Variants in SLC5A6 observed in about 807,000 individuals in gnomAD.
SLC5A6 encodes sodium-dependent multivitamin transporter.
Under a neutral mutation model 67.9 loss-of-function variants are expected in SLC5A6, and 31 were observed. The ratio of observed to expected loss-of-function variants is 0.46; its 90% CI spans 0.34 to 0.62. SLC5A6 has a LOEUF of 0.62. Ranked by LOEUF, SLC5A6 falls within the 20% of genes least tolerant of loss-of-function variation. The pLI is 0.01. For synonymous variants in SLC5A6, 343 were observed against 331.0 expected (o/e 1.04, Z -0.39); for missense variants, 673 against 812.8 (o/e 0.83, Z 2.09).
rs1572378559 is a variant in SLC5A6, at chr2:27,200,104, C to G, written c.*332G>C. On this transcript the variant is annotated 3_prime_UTR_variant, in exon 17 of 17. Coordinates refer to ENST00000310574, the MANE Select transcript of SLC5A6 (RefSeq NM_021095.4). ...CCAGAGTGCTGTTTCTAGCCACTTA[C>G]TTCAAAGGACTATGGCTATGTTGAA... 5.0e-6 allele frequency: 1 copy of G among 201,106 alleles called. No individual in the cohort carries two copies. Among genetic ancestry groups the G allele is most frequent in the Non-Finnish European group, 1.0e-5 (1 of 99,448 alleles). The allele number at this position is 201,106 out of a possible 1,614,324, so 12.5% of individuals were successfully genotyped here.
At position 27,207,110 on chromosome 2, in the gene SLC5A6, C is replaced by A; in HGVS notation, c.393+148G>T. 1 of 1,075,056 alleles carries A rather than the reference C, an allele frequency of 9.3e-7. No individual in the cohort carries two copies. The highest frequency in any genetic ancestry group is 1.4e-6 in the Non-Finnish European group (1 of 718,700). 66.6% of individuals were successfully genotyped at this position (1,075,056 alleles called of 1,614,324 possible). Reference sequence around the variant, plus strand: ...AATCCTGCCCCTATACCTAACATCACTGAGAAAGAATTATAAACACACAAT... The same window carrying A: ...AATCCTGCCCCTATACCTAACATCAATGAGAAAGAATTATAAACACACAAT... On this transcript the variant is annotated intron_variant, in intron 3 of 16. Coordinates refer to ENST00000310574, the MANE Select transcript of SLC5A6 (RefSeq NM_021095.4). The surrounding 1 kb of genome is among the most constrained non-coding windows in gnomAD (Gnocchi z 5.5).
intron 7 of SLC5A6, 115 bp from the exon 8 acceptor site, chr2:27,205,046 G>A (rs1194931900): frequency 1.1e-5 from 14 of 1,262,550 alleles, no homozygotes; most frequent in Non-Finnish European, 1.6e-5. Context: ...TAGGGCCAAG[G>A]GGGACACTGA....
At chr2:27,211,943 C>G in intron 1 of SLC5A6, 77 bp downstream of exon 1, 1 of 461,474 alleles carries the variant, frequency 2.2e-6, no homozygotes, top group Non-Finnish European at 3.8e-6. Context: ...CGGCCGAGAG[C>G]CCTGGCCGGG....
chr2:27,207,369 T>C lies in SLC5A6; in HGVS notation c.282A>G (p.Arg94=), dbSNP rs56970590. ...AILGVPSEIY[R]FGTQYWFLGC... ...CCAGGAACCAATATTGGGTCCCAAATCGGTAGATCTCTGACGGCACACCCA... is the reference window on the plus strand; with the variant it reads ...CCAGGAACCAATATTGGGTCCCAAACCGGTAGATCTCTGACGGCACACCCA... The change falls in exon 3 of 17, where the codon CGA becomes CGG. Residue 94 remains arginine (R), a synonymous_variant. Coordinates refer to ENST00000310574, the MANE Select transcript of SLC5A6 (RefSeq NM_021095.4). The surrounding 1 kb of genome is among the most constrained non-coding windows in gnomAD (Gnocchi z 5.5). 77,744 of 1,613,944 alleles carry C rather than the reference T, an allele frequency of 0.048. 2,053 individuals are homozygous for C. Among genetic ancestry groups the C allele is most frequent in the African/African-American group, 0.081 (6,098 of 74,928 alleles).
chr2:27,202,781 T>G (rs778047089), intron 12 of SLC5A6, 32 bp downstream of exon 12: 2 of 1,586,886 alleles, frequency 1.3e-6, no homozygotes, highest in Admixed American at 3.3e-5. Context: ...TTCTCTCCCT[T>G]AAAATTGCTT....
rs769613846 is a variant in SLC5A6 at position 27,212,227 on chromosome 2, C to T, written c.-415G>A. 1.2e-5 allele frequency: 18 copies of T among 1,560,570 alleles called. No individual in the cohort carries two copies. Among genetic ancestry groups the T allele is most frequent in the Admixed American group, 2.0e-5 (1 of 51,238 alleles). On this transcript the variant is annotated 5_prime_UTR_variant, in exon 1 of 17. It adds an upstream start codon to the 5' untranslated region. Coordinates refer to ENST00000310574, the MANE Select transcript of SLC5A6 (RefSeq NM_021095.4). ...GCATGAAGACCAGCGCAGAGCTCCACGAGCAGGAAAAGCCCCCAAGCAGCC... is the reference window on the plus strand; with the variant it reads ...GCATGAAGACCAGCGCAGAGCTCCATGAGCAGGAAAAGCCCCCAAGCAGCC...
intron 9 of SLC5A6, 73 bp downstream of exon 9, chr2:27,204,388 G>C (rs1478049632): frequency 1.3e-6 from 2 of 1,508,416 alleles, no homozygotes; most frequent in Non-Finnish European, 1.8e-6. Flanking sequence ...TCTGCAGTCA[G>C]TCCTTTCCTA....
At chr2:27,205,746 C>T (rs958912777) in intron 6 of SLC5A6, among the ~76,000 whole-genome samples, 7 of 152,162 alleles carry the variant, frequency 4.6e-5, no homozygotes, top group Non-Finnish European at 8.8e-5. Context: ...CTCCCTTGGA[C>T]ACTCCTGAAA....
At position 27,210,135 on chromosome 2, in the gene SLC5A6, C is replaced by T. The variant is rs147424847; in HGVS notation, c.-141+1332G>A. Among the ~76,000 whole-genome samples, 5 of 152,144 alleles carry T rather than the reference C, an allele frequency of 3.3e-5. No homozygotes were observed. In the South Asian group the frequency reaches 6.2e-4, roughly 19 times the overall value. ...GGAAGGAAAGTCCCAGTATGGGACACGGAGGTACAGAAATAAAGACACTCT... is the reference window on the plus strand; with the variant it reads ...GGAAGGAAAGTCCCAGTATGGGACATGGAGGTACAGAAATAAAGACACTCT... On this transcript the variant is annotated intron_variant, in intron 2 of 16. Transcript: ENST00000310574.
chr2:27,212,771 G>A (rs1015817858), upstream of SLC5A6: 24 of 747,204 alleles, frequency 3.2e-5, no homozygotes, highest in South Asian at 5.0e-4. Context: ...ACGCACGAAC[G>A]CCATATATCG....
At chr2:27,209,539 A>G (rs917502437) in intron 2 of SLC5A6, among the ~76,000 whole-genome samples, 20 of 152,214 alleles carry the variant, frequency 1.3e-4, no homozygotes, top group African/African-American at 4.6e-4. Context: ...AGAGAGAGAG[A>G]AACAGTGCTG....
rs549131587 is a variant in SLC5A6, at chr2:27,201,651, C to T, written c.1544+15G>A. On this transcript the variant is annotated intron_variant, in intron 14 of 16. Transcript: ENST00000310574. ...GGGCTTTGAGAAAACAAGAAGATAG[C>T]AAGCCCTGCCTTACTTGGAGAAGGT... 9 of 1,611,050 alleles carry T rather than the reference C, an allele frequency of 5.6e-6. No individual in the cohort carries two copies. The South Asian group carries it at 9.9e-5, about 18-fold the overall frequency.
chr2:27,210,433 C>T lies in SLC5A6; in HGVS notation c.-141+1034G>A, dbSNP rs1558515192. Among the ~76,000 whole-genome samples, 4 of 151,654 alleles carry T rather than the reference C, an allele frequency of 2.6e-5. No homozygotes were observed. In the South Asian group the frequency reaches 6.3e-4, roughly 24 times the overall value. ...CACAAACAGCAGATTGTGGGACCCC[C>T]CCCCCTTTTTTTTTGGAGACGGAGT... On this transcript the variant is annotated intron_variant, in intron 2 of 16. Coordinates refer to ENST00000310574, the MANE Select transcript of SLC5A6 (RefSeq NM_021095.4).
chr2:27,203,847 C>CT lies in SLC5A6; in HGVS notation c.1025_1026insA (p.Met342IlefsTer31), dbSNP rs1182953085. 4 of 1,613,968 alleles carry CT rather than the reference C, an allele frequency of 2.5e-6. No homozygotes were observed. Among genetic ancestry groups the CT allele is most frequent in the Non-Finnish European group, 3.4e-6 (4 of 1,179,898 alleles). On this transcript the variant is annotated frameshift_variant, in exon 10 of 17. Coordinates refer to ENST00000310574, the MANE Select transcript of SLC5A6 (RefSeq NM_021095.4). LOFTEE classifies it high-confidence loss of function. The stretch of plus-strand genomic sequence containing the variant: ...GGCCTGGCAGGCCCTTCAGGAGATC[C>CT]ATCACAAAGTACAGGACGAACTGCA...
intron 3 of SLC5A6, 42 bp from the exon 4 acceptor site, chr2:27,206,984 C>T (rs779614254): frequency 8.7e-6 from 13 of 1,493,616 alleles, no homozygotes; most frequent in African/African-American, 2.8e-5. Context: ...GACTTCACCC[C>T]GACAACTCAC....
chr2:27,209,233 G>A (rs926207373), intron 2 of SLC5A6, among the ~76,000 whole-genome samples: 1 of 152,110 alleles, frequency 6.6e-6, no homozygotes. Flanking sequence ...TTCTCCAAGC[G>A]TATCATATTG....
rs140746253 is a variant in SLC5A6, at chr2:27,207,703, T to C, written c.-53A>G. 3.3e-5 allele frequency: 52 copies of C among 1,553,744 alleles called. No individual in the cohort carries two copies. In the African/African-American group the frequency reaches 6.3e-4, roughly 19 times the overall value. On this transcript the variant is annotated 5_prime_UTR_variant, in exon 3 of 17. Coordinates refer to ENST00000310574, the MANE Select transcript of SLC5A6 (RefSeq NM_021095.4). The surrounding 1 kb of genome is among the most constrained non-coding windows in gnomAD (Gnocchi z 5.5). ...CAGTTGCTGCTCCAGGGCTCTGGGG[T>C]AGGGCAGGGGCGGATGTGTGGCTAC...
At chr2:27,212,498 G>A (rs1213302930), upstream of SLC5A6, 5 of 1,545,650 alleles carry the variant, frequency 3.2e-6, no homozygotes, top group Non-Finnish European at 4.4e-6. Context: ...TCGGGCTGAA[G>A]CAGGGTCGCT....
Position 27,201,680 on chromosome 2 carries a change from C to T in SLC5A6, c.1530G>A (p.Leu510=). ...TVATVTTLMP[L]TTFSKPTGLQ... is the part of the protein sequence containing the mutation. ...CCCTGCCTTACTTGGAGAAGGTAGT[C>T]AAGGGCATCAGTGTGGTCACAGTGG... The change falls in exon 14 of 17, where the codon TTG becomes TTA. Residue 510 remains leucine (L), a synonymous_variant. Coordinates refer to ENST00000310574, the MANE Select transcript of SLC5A6 (RefSeq NM_021095.4). 6.2e-7 allele frequency: 1 copy of T among 1,613,970 alleles called. No homozygotes were observed.
Sources: gnomAD v4.1 joint callset for allele counts (sites outside exome capture counted in the v4.1 genomes callset) on GRCh38, gnomAD v4.1.1 for gene constraint, Gnocchi (gnomAD v3.1) non-coding constraint, MANE v1.5 for transcripts, NCBI Gene and HGNC (gene_info 2026-07-23, HGNC 2026-07-21) for gene names.